Variants in RPS6KA3 observed in about 807,000 individuals in gnomAD.
RPS6KA3 encodes ribosomal protein S6 kinase alpha-3.
A neutral mutation model predicts 67.2 loss-of-function variants in RPS6KA3; 4 were observed. The ratio of observed to expected loss-of-function variants is 0.06; its 90% confidence interval spans 0.03 to 0.14. The LOEUF is 0.14. Among genes scored for constraint, RPS6KA3 ranks in the 10% least tolerant of loss-of-function variants. The probability of loss-of-function intolerance (pLI) is 1.00; values close to 1 mark genes in which losing one functional copy is unlikely to be tolerated. For synonymous variants in RPS6KA3, 182 were observed against 183.7 expected, an observed-to-expected ratio of 0.99 and a Z score of 0.07; for missense variants, 204 against 559.0, an observed-to-expected ratio of 0.36 and a Z score of 6.40.
At chrX:20,182,016 G>A (rs1044728734) in intron 10 of RPS6KA3, among the ~76,000 whole-genome samples, 1 of 111,713 alleles carries the variant, frequency 9.0e-6, no homozygotes, top group African/African-American at 3.3e-5. Flanking sequence ...TGAAAGTTCA[G>A]TGAACATTCA....
intron 2 of RPS6KA3, among the ~76,000 whole-genome samples, chrX:20,227,850 C>T (rs2069161808): frequency 9.0e-6 from 1 of 110,607 alleles, no homozygotes; most frequent in Admixed American, 9.6e-5. Flanking sequence ...AAAAATGTTT[C>T]TTATGGTATT....
At chrX:20,223,712 T>C (rs1351458524) in intron 2 of RPS6KA3, among the ~76,000 whole-genome samples, 1 of 111,788 alleles carries the variant, frequency 8.9e-6, no homozygotes, top group East Asian at 2.8e-4. Flanking sequence ...ACTCCTGTAG[T>C]TGATTATTTT....
At chrX:20,251,506 C>T (rs776698577) in intron 1 of RPS6KA3, among the ~76,000 whole-genome samples, 2 of 112,926 alleles carry the variant, frequency 1.8e-5, no homozygotes, top group South Asian at 3.6e-4. Flanking sequence ...GCCTGGCAGA[C>T]GTCCATAGAT....
intron 1 of RPS6KA3, among the ~76,000 whole-genome samples, chrX:20,237,186 C>A (rs760190802): frequency 1.8e-5 from 2 of 111,351 alleles, no homozygotes; most frequent in African/African-American, 3.3e-5. Flanking sequence ...ACCTCTGGCC[C>A]ACCAATCTGC....
At chrX:20,266,090 G>GCGC (rs1369720825) in intron 1 of RPS6KA3, 1 of 109,265 alleles carries the variant, frequency 9.2e-6, no homozygotes, top group African/African-American at 3.4e-5. Context: ...CGTGCCCCGC[G>GCGC]CGCCGGTCTC....
chrX:20,229,129 C>T (rs2069196475), intron 2 of RPS6KA3, among the ~76,000 whole-genome samples: 1 of 109,514 alleles, frequency 9.1e-6, no homozygotes. Flanking sequence ...TTTTTTTTTC[C>T]CCTCACAGAG....
intron 4 of RPS6KA3, among the ~76,000 whole-genome samples, chrX:20,198,947 C>T (rs780375476): frequency 1.2e-3 from 139 of 111,229 alleles, no homozygotes; most frequent in African/African-American, 4.4e-3. Flanking sequence ...TCTCGACTCA[C>T]TGCAACCTCC....
intron 1 of RPS6KA3, among the ~76,000 whole-genome samples, chrX:20,236,362 T>C: frequency 8.9e-6 from 1 of 111,984 alleles, no homozygotes; most frequent in East Asian, 2.8e-4. Context: ...GTCCCGACTA[T>C]TAATTCAACA....
chrX:20,226,027 C>T (rs1603429856), intron 2 of RPS6KA3, among the ~76,000 whole-genome samples: 1 of 110,511 alleles, frequency 9.0e-6, no homozygotes, highest in Non-Finnish European at 1.9e-5. Flanking sequence ...CTCTAAAATA[C>T]AAAAATTAGC....
intron 1 of RPS6KA3, among the ~76,000 whole-genome samples, chrX:20,247,802 A>G (rs2069739364): frequency 9.0e-6 from 1 of 110,943 alleles, no homozygotes; most frequent in African/African-American, 3.3e-5. Flanking sequence ...AAAAAAAAAA[A>G]AAAAAGAAAA....
chrX:20,154,269 A>G lies in RPS6KA3; in HGVS notation c.*1129T>C, dbSNP rs2067149154. 8.9e-6 allele frequency: 1 copy of G among 112,736 alleles called. No individual in the cohort carries two copies. The allele number at this position is 112,736 out of a possible 1,213,427, so 9.3% of individuals were successfully genotyped here. On this transcript the variant is annotated 3_prime_UTR_variant, in exon 22 of 22. Transcript: ENST00000379565. ...GGTTAGAACAGATACTGTTTGATCAATAATGTTTTATTCCCTAAAATAAGA... is the reference window on the plus strand; with the variant it reads ...GGTTAGAACAGATACTGTTTGATCAGTAATGTTTTATTCCCTAAAATAAGA...
intron 9 of RPS6KA3, among the ~76,000 whole-genome samples, chrX:20,187,293 A>G (rs934469201): frequency 3.6e-5 from 4 of 111,064 alleles, no homozygotes; most frequent in African/African-American, 1.3e-4. Flanking sequence ...ATCTTGGCTC[A>G]CTGCAACCTC....
At chrX:20,209,479 T>A in intron 2 of RPS6KA3, 75 bp from the exon 3 acceptor site, 1 of 550,143 alleles carries the variant, frequency 1.8e-6, no homozygotes, top group Non-Finnish European at 3.2e-6. Context: ...CAAACAATAT[T>A]AATTTAATCT....
At position 20,246,891 on chromosome X, in the gene RPS6KA3, T is replaced by C. The variant is rs919474058; in HGVS notation, c.70-12077A>G. Among the ~76,000 whole-genome samples the C allele has an allele frequency of 4.5e-5, 5 of 111,843 alleles. No individual in the cohort carries two copies. The South Asian group carries it at 1.5e-3, about 33-fold the overall frequency. ...ATTCTTGTTTGTGTAATATCAACTGTATCTCAATACAAAGTGTCTTAGGCA... is the reference window on the plus strand; with the variant it reads ...ATTCTTGTTTGTGTAATATCAACTGCATCTCAATACAAAGTGTCTTAGGCA... On this transcript the variant is annotated intron_variant, in intron 1 of 21. Transcript: ENST00000379565.
intron 1 of RPS6KA3, among the ~76,000 whole-genome samples, chrX:20,244,323 T>A (rs1283298216): frequency 4.5e-5 from 5 of 111,788 alleles, no homozygotes; most frequent in Non-Finnish European, 5.6e-5. Context: ...TTAAAATTCT[T>A]AAAGGCAGGA....
rs1340764608 is a variant in RPS6KA3, at chrX:20,177,060, A to G, written c.870T>C (p.Phe290=). The part of the protein sequence containing the change: ...ILKAKLGMPQ[F]LSPEAQSLLR... ...AAAGACTCTGCGCTTCAGGACTCAAAAACTGTGGCATTCCAAGTTTGGCTC... is the reference window on the plus strand; with the variant it reads ...AAAGACTCTGCGCTTCAGGACTCAAGAACTGTGGCATTCCAAGTTTGGCTC... The change falls in exon 11 of 22, where the codon TTT becomes TTC. Residue 290 remains phenylalanine, a synonymous_variant. Transcript: ENST00000379565. 1 of 1,204,391 alleles carries G rather than the reference A, an allele frequency of 8.3e-7. No individual in the cohort carries two copies. Among genetic ancestry groups the G allele is most frequent in the East Asian group, 3.0e-5 (1 of 33,830 alleles).
In RPS6KA3 at chrX:20,155,229, A is replaced by G. The variant is rs1018110166; in HGVS notation, c.*169T>C. On this transcript the variant is annotated 3_prime_UTR_variant, in exon 22 of 22. Coordinates refer to ENST00000379565, the MANE Select transcript of RPS6KA3 (RefSeq NM_004586.3). Reference sequence around the variant, plus strand: ...AGGAAAATCTAACTTGCTAACAATCATTTAAAGCGAGAAGAGAGGAAAGCA... The same window carrying G: ...AGGAAAATCTAACTTGCTAACAATCGTTTAAAGCGAGAAGAGAGGAAAGCA... 8 of 560,377 alleles carry G rather than the reference A, an allele frequency of 1.4e-5. No homozygotes were observed. Among genetic ancestry groups the G allele is most frequent in the Non-Finnish European group, 1.8e-5 (6 of 328,019 alleles). The allele number at this position is 560,377 out of a possible 1,213,427, so 46.2% of individuals were successfully genotyped here. A position where few individuals can be genotyped will look rare whatever the true frequency, so the allele number is the denominator to read the frequency against.
At chrX:20,223,397 T>C (rs1431028325) in intron 2 of RPS6KA3, among the ~76,000 whole-genome samples, 1 of 111,202 alleles carries the variant, frequency 9.0e-6, no homozygotes, top group East Asian at 2.8e-4. Context: ...CTTGGCATTA[T>C]AAGGGTGGAC....
chrX:20,162,434 ATTATAAAAAATCAGTAATG>A (rs925858293), intron 19 of RPS6KA3, among the ~76,000 whole-genome samples: 1 of 110,816 alleles, frequency 9.0e-6, no homozygotes, highest in African/African-American at 3.3e-5. Flanking sequence ...TAAATAGCAC[ATTATAAAAAATCAGTAATG>A]ATATAGCCAT....
Sources: allele counts gnomAD v4.1 joint callset (sites outside exome capture counted in the v4.1 genomes callset), GRCh38; gene constraint gnomAD v4.1.1; transcripts MANE v1.5; gene names NCBI Gene and HGNC (gene_info 2026-07-23, HGNC 2026-07-21).